FAF1: variants seen among roughly 807,000 people sequenced by gnomAD.
FAF1 encodes Fas associated factor 1.
A neutral mutation model predicts 92.5 loss-of-function variants in FAF1; 25 were observed. That is an observed-to-expected ratio of 0.27 (90% CI 0.20 to 0.38). The LOEUF (loss-of-function observed/expected upper bound fraction) is 0.38, where lower values mean the gene tolerates loss of function less well. Ranked by LOEUF, FAF1 falls within the 10% of genes least tolerant of loss-of-function variation. The probability of loss-of-function intolerance (pLI) is 1.00; values close to 1 mark genes in which losing one functional copy is unlikely to be tolerated. For synonymous variants in FAF1, 234 were observed against 273.2 expected (o/e 0.86, Z 1.42); for missense variants, 636 against 793.3 (o/e 0.80, Z 2.38).
chr1:50,687,255 T>A (rs1031027304), intron 7 of FAF1, among the ~76,000 whole-genome samples: 4 of 152,110 alleles, frequency 2.6e-5, no homozygotes, highest in Non-Finnish European at 5.9e-5. Context: ...CCATTTCATA[T>A]TTAGTTTCCT....
intron 4 of FAF1, chr1:50,780,248 A>G (rs1374641103): frequency 6.6e-6 from 1 of 152,456 alleles, no homozygotes; most frequent in Non-Finnish European, 1.5e-5. Context: ...CTGAAAATGA[A>G]AAGATACAAA....
intron 2 of FAF1, among the ~76,000 whole-genome samples, chr1:50,854,592 A>C (rs534792027): frequency 2.7e-4 from 41 of 151,918 alleles, no homozygotes; most frequent in Non-Finnish European, 5.2e-4. Context: ...AGTTACCCCA[A>C]AATAAGTGGA....
At chr1:50,643,718 G>C (rs1654452296) in intron 8 of FAF1, among the ~76,000 whole-genome samples, 1 of 152,144 alleles carries the variant, frequency 6.6e-6, no homozygotes, top group Non-Finnish European at 1.5e-5. Context: ...TCAGTGTCCT[G>C]AGTAGTTGGG....
chr1:50,942,046 C>G (rs557222724), intron 1 of FAF1, among the ~76,000 whole-genome samples: 1 of 152,254 alleles, frequency 6.6e-6, no homozygotes, highest in South Asian at 2.1e-4. Flanking sequence ...CCAATCCCAC[C>G]CTTGTTACTA....
At chr1:50,729,059 T>TATATATA (rs1491171349) in intron 6 of FAF1, among the ~76,000 whole-genome samples, 206 of 37,852 alleles carry the variant, frequency 5.4e-3, no homozygotes, top group African/African-American at 0.022. Context: ...TATATATATA[T>TATATATA]TTTTTTTTTT....
At chr1:50,784,356 G>T (rs1461389379) in intron 4 of FAF1, among the ~76,000 whole-genome samples, 1 of 151,802 alleles carries the variant, frequency 6.6e-6, no homozygotes, top group Admixed American at 6.6e-5. Context: ...TTTATAAGAT[G>T]CAAAATCAAC....
At chr1:50,449,877 G>A (rs781498960) in intron 18 of FAF1, among the ~76,000 whole-genome samples, 5 of 151,750 alleles carry the variant, frequency 3.3e-5, no homozygotes, top group Non-Finnish European at 5.9e-5. Context: ...AGCTTAATAA[G>A]TAATTATTAA....
intron 1 of FAF1, among the ~76,000 whole-genome samples, chr1:50,902,390 TTA>T (rs1305959453): frequency 6.6e-6 from 1 of 152,232 alleles, no homozygotes; most frequent in Non-Finnish European, 1.5e-5. Flanking sequence ...TTAATAATTT[TTA>T]TGTTGATTAC....
Position 50,576,029 on chromosome 1 carries a change from A to G in FAF1, c.1113+6589T>C, listed in dbSNP as rs553204501. Among the ~76,000 whole-genome samples the G allele has an allele frequency of 3.9e-5, 6 of 152,324 alleles. No individual in the cohort carries two copies. The South Asian group carries it at 1.0e-3, about 26-fold the overall frequency. On this transcript the variant is annotated intron_variant, in intron 12 of 18. Coordinates refer to ENST00000396153, the MANE Select transcript of FAF1 (RefSeq NM_007051.3). ...GTGAACTACTAATTTTTGTGGTAGAAATGTTCATGGGGTTCTCAAAATTCC... is the reference window on the plus strand; with the variant it reads ...GTGAACTACTAATTTTTGTGGTAGAGATGTTCATGGGGTTCTCAAAATTCC...
intron 5 of FAF1, among the ~76,000 whole-genome samples, chr1:50,742,542 C>T (rs1191794475): frequency 1.3e-5 from 2 of 152,064 alleles, no homozygotes; most frequent in African/African-American, 4.8e-5. Flanking sequence ...CACCACCACG[C>T]CCAGCTAATT....
intron 1 of FAF1, among the ~76,000 whole-genome samples, chr1:50,874,758 CTTTTTTTTTT>C (rs755424291): frequency 2.2e-3 from 149 of 67,262 alleles, no homozygotes; most frequent in Non-Finnish European, 2.5e-3. Flanking sequence ...TCTTTTCTTT[CTTTTTTTTTT>C]TTTTTTTTTT....
At chr1:50,757,264 T>C (rs984680758) in intron 4 of FAF1, among the ~76,000 whole-genome samples, 1 of 152,222 alleles carries the variant, frequency 6.6e-6, no homozygotes, top group Admixed American at 6.5e-5. Context: ...TTGGTTTCTA[T>C]GCTGTTCAGA....
chr1:50,807,245 G>GT (rs1662241200), intron 2 of FAF1, among the ~76,000 whole-genome samples: 1 of 152,194 alleles, frequency 6.6e-6, no homozygotes, highest in African/African-American at 2.4e-5. Context: ...GGTCACAGGT[G>GT]TATTAGTTCA....
At position 50,582,716 on chromosome 1, in the gene FAF1, GTC is replaced by G. The variant is rs751356519; in HGVS notation, c.1032-19_1032-18del. 1 of 1,471,212 alleles carries G rather than the reference GTC, an allele frequency of 6.8e-7. No individual in the cohort carries two copies. The highest frequency in any genetic ancestry group is 9.5e-7 in the Non-Finnish European group (1 of 1,051,104). 91.1% of individuals were successfully genotyped at this position (1,471,212 alleles called of 1,614,324 possible). A position where few individuals can be genotyped will look rare whatever the true frequency, so the allele number is the denominator to read the frequency against. On this transcript the variant is annotated intron_variant, in intron 11 of 18. Coordinates refer to ENST00000396153, the MANE Select transcript of FAF1 (RefSeq NM_007051.3). ...TCACCATATCTATAGGAAAAAGTGA[GTC>G]TATTAATTAAAATACTTTTCAAATT...
chr1:50,888,847 A>G (rs1427956431), intron 1 of FAF1, among the ~76,000 whole-genome samples: 3 of 152,252 alleles, frequency 2.0e-5, no homozygotes, highest in Middle Eastern at 6.8e-3. Context: ...TGTCTCTGCC[A>G]GGCTTTGGTA....
At chr1:50,453,031 G>T (rs892624082) in intron 18 of FAF1, among the ~76,000 whole-genome samples, 2 of 152,104 alleles carry the variant, frequency 1.3e-5, no homozygotes, top group Non-Finnish European at 2.9e-5. Context: ...ATGACTCCTT[G>T]CCAAAACAGG....
At chr1:50,575,099 G>A (rs553549135) in intron 12 of FAF1, among the ~76,000 whole-genome samples, 47 of 151,812 alleles carry the variant, frequency 3.1e-4, no homozygotes, top group Non-Finnish European at 6.5e-4. Flanking sequence ...TAATAGAGAC[G>A]GGGTTTCACC....
intron 15 of FAF1, among the ~76,000 whole-genome samples, chr1:50,529,337 A>G (rs1354261305): frequency 6.6e-6 from 1 of 152,194 alleles, no homozygotes; most frequent in Non-Finnish European, 1.5e-5. Flanking sequence ...CAGATGTCAG[A>G]GTCAAACACC....
chr1:50,659,415 C>T (rs1655273285), intron 7 of FAF1, among the ~76,000 whole-genome samples: 1 of 152,140 alleles, frequency 6.6e-6, no homozygotes, highest in African/African-American at 2.4e-5. Flanking sequence ...CTTGAGAGCA[C>T]TTTAGAGAAG....
Sources: gnomAD v4.1 joint callset for allele counts (sites outside exome capture counted in the v4.1 genomes callset) on GRCh38, gnomAD v4.1.1 for gene constraint, MANE v1.5 for transcripts, NCBI Gene and HGNC (gene_info 2026-07-23, HGNC 2026-07-21) for gene names.